Variants in TMEM47 observed in about 807,000 individuals in gnomAD.
TMEM47 encodes brain cell membrane protein 1.
Under a neutral mutation model 12.4 loss-of-function variants are expected in TMEM47, and 3 were observed. That is an observed-to-expected ratio of 0.24 (90% CI 0.11 to 0.63). The LOEUF is 0.63. TMEM47 is among the 20% of genes least tolerant of loss of function. The pLI, the probability that TMEM47 is intolerant of heterozygous loss-of-function variation, is 0.86. For missense variants in TMEM47, 89 were observed against 143.8 expected (o/e 0.62, Z 1.95); for synonymous variants, 62 against 63.3 (o/e 0.98, Z 0.10).
intron 1 of TMEM47, among the ~76,000 whole-genome samples, chrX:34,640,500 G>A (rs1267282336): frequency 8.9e-6 from 1 of 111,886 alleles, no homozygotes; most frequent in Non-Finnish European, 1.9e-5. Context: ...TACAGGTTGG[G>A]AAACATCATA....
intron 1 of TMEM47, among the ~76,000 whole-genome samples, chrX:34,639,849 A>G (rs1402539119): frequency 1.8e-5 from 2 of 111,313 alleles, no homozygotes; most frequent in Non-Finnish European, 3.8e-5. Context: ...CCAGTCAATA[A>G]TGACCCTCCC....
At chrX:34,634,778 C>T (rs1921684639) in intron 2 of TMEM47, among the ~76,000 whole-genome samples, 2 of 111,697 alleles carry the variant, frequency 1.8e-5, no homozygotes, top group Admixed American at 9.5e-5. Context: ...AAAGAAAAGA[C>T]GTCTAGGAAG....
intron 1 of TMEM47, among the ~76,000 whole-genome samples, chrX:34,648,960 G>A (rs928285813): frequency 1.8e-5 from 2 of 112,016 alleles, no homozygotes; most frequent in African/African-American, 6.5e-5. Context: ...CAATATCACT[G>A]ATCATTAGAG....
intron 1 of TMEM47, among the ~76,000 whole-genome samples, chrX:34,647,385 A>C (rs944468107): frequency 8.9e-6 from 1 of 111,794 alleles, no homozygotes; most frequent in Non-Finnish European, 1.9e-5. Flanking sequence ...TTTGAACAGA[A>C]AGTATAAATA....
chrX:34,651,967 AT>A (rs1168010395), intron 1 of TMEM47, among the ~76,000 whole-genome samples: 1 of 112,208 alleles, frequency 8.9e-6, no homozygotes, highest in Admixed American at 9.4e-5. Context: ...TATCACTGGG[AT>A]TTTCTGAATA....
rs945413541 is a variant in TMEM47, at chrX:34,628,547, A to T, written c.*1766T>A. On this transcript the variant is annotated 3_prime_UTR_variant, in exon 3 of 3. Transcript: ENST00000275954. ...TTTTCTAGCATTTGGATAATAAAAT[A>T]GGTTTTTTTTTTTTGGCTGTTGTTT... The T allele has an allele frequency of 9.2e-6, 1 of 108,209 alleles. No individual in the cohort carries two copies. Among genetic ancestry groups the T allele is most frequent in the Non-Finnish European group, 1.9e-5 (1 of 52,569 alleles). 8.9% of individuals were successfully genotyped at this position (108,209 alleles called of 1,213,427 possible).
rs1295699601 is a variant in TMEM47, at chrX:34,656,968, A to G, written c.62T>C (p.Leu21Pro). Residue 21 changes from leucine to proline, a missense_variant, in exon 1 of 3, where the codon CTG becomes CCG. Leu to Pro is a moderately conservative substitution (Grantham distance 98). Coordinates refer to ENST00000275954, the MANE Select transcript of TMEM47 (RefSeq NM_031442.4). ...VRVSVLTPLK[L>P]VGLVCIFLAL... is the part of the protein sequence containing the mutation. ...CAGGAAGATGCACACCAGCCCGACC[A>G]GCTTCAAGGGGGTCAGCACCGACAC... is the stretch of plus-strand genomic sequence containing the variant. 1 of 1,186,231 alleles carries G rather than the reference A, an allele frequency of 8.4e-7. No individual in the cohort carries two copies. The highest frequency in any genetic ancestry group is 1.1e-6 in the Non-Finnish European group (1 of 882,804).
rs2147134953 is a variant in TMEM47 at position 34,627,245 on chromosome X, C to A, written c.*3068G>T. On this transcript the variant is annotated 3_prime_UTR_variant, in exon 3 of 3. Transcript: ENST00000275954. ...AAAAATAACCAGGATACCATGAATT[C>A]ATGTTTAAGTAGTAAACATGTCATA... 1 of 111,795 alleles carries A rather than the reference C, an allele frequency of 8.9e-6. No homozygotes were observed. The highest frequency in any genetic ancestry group is 3.8e-4 in the South Asian group (1 of 2,664). 9.2% of individuals were successfully genotyped at this position (111,795 alleles called of 1,213,427 possible).
At chrX:34,646,082 G>A (rs1054912713) in intron 1 of TMEM47, among the ~76,000 whole-genome samples, 16 of 111,154 alleles carry the variant, frequency 1.4e-4, no homozygotes, top group Non-Finnish European at 2.8e-4. Context: ...ACCAAAATGC[G>A]TGTTAATTTT....
At chrX:34,630,682 C>T (rs750863403) in intron 2 of TMEM47, among the ~76,000 whole-genome samples, 191 bp from the exon 3 acceptor site, 37 of 109,492 alleles carry the variant, frequency 3.4e-4, no homozygotes, top group African/African-American at 1.1e-3. Flanking sequence ...TACCTTTTCC[C>T]AATATATAAG....
intron 2 of TMEM47, among the ~76,000 whole-genome samples, chrX:34,636,768 T>C (rs752807284): frequency 8.4e-4 from 94 of 112,035 alleles, no homozygotes; most frequent in Non-Finnish European, 1.5e-3. Flanking sequence ...AGGTACTAAA[T>C]GCCTTCAGGT....
At position 34,627,205 on chromosome X, in the gene TMEM47, C is replaced by T. The variant is rs2147134936; in HGVS notation, c.*3108G>A. The T allele has an allele frequency of 9.0e-6, 1 of 111,011 alleles. No individual in the cohort carries two copies. Among genetic ancestry groups the T allele is most frequent in the African/African-American group, 3.3e-5 (1 of 30,482 alleles). The allele number at this position is 111,011 out of a possible 1,213,427, so 9.1% of individuals were successfully genotyped here. On this transcript the variant is annotated 3_prime_UTR_variant, in exon 3 of 3. Coordinates refer to ENST00000275954, the MANE Select transcript of TMEM47 (RefSeq NM_031442.4). ...CACTGGAGTGATAAACAGGTTTTCC[C>T]CCAGATGACTTAAAAAAAATAACCA...
At chrX:34,647,075 A>G (rs768869290) in intron 1 of TMEM47, among the ~76,000 whole-genome samples, 10 of 111,352 alleles carry the variant, frequency 9.0e-5, no homozygotes, top group Non-Finnish European at 1.5e-4. Flanking sequence ...CTACGTTTCA[A>G]TGAAGTTAAC....
Position 34,630,171 on chromosome X carries a change from C to T in TMEM47, c.*142G>A. ...TAAAAGCTGGTTATGATGTTGACAG[C>T]CAAAAGGCAAAAAAGATTAAATCAA... On this transcript the variant is annotated 3_prime_UTR_variant, in exon 3 of 3. Coordinates refer to ENST00000275954, the MANE Select transcript of TMEM47 (RefSeq NM_031442.4). 1 of 616,129 alleles carries T rather than the reference C, an allele frequency of 1.6e-6. No individual in the cohort carries two copies. Among genetic ancestry groups the T allele is most frequent in the Non-Finnish European group, 2.4e-6 (1 of 420,351 alleles). The allele number at this position is 616,129 out of a possible 1,213,427, so 50.8% of individuals were successfully genotyped here.
intron 1 of TMEM47, among the ~76,000 whole-genome samples, chrX:34,649,595 A>G (rs1386191524): frequency 9.0e-6 from 1 of 110,963 alleles, no homozygotes; most frequent in African/African-American, 3.3e-5. Flanking sequence ...AATAATAACT[A>G]TTGGGTACTA....
intron 2 of TMEM47, among the ~76,000 whole-genome samples, chrX:34,633,502 G>C (rs139431818): frequency 1.1e-3 from 123 of 111,642 alleles, no homozygotes; most frequent in African/African-American, 3.9e-3. Context: ...CATGAGATAT[G>C]ATGGAAGAAA....
chrX:34,640,313 A>G (rs948042582), intron 1 of TMEM47, among the ~76,000 whole-genome samples: 32 of 112,159 alleles, frequency 2.9e-4, no homozygotes, highest in African/African-American at 7.5e-4. Flanking sequence ...CTCTGTTCAC[A>G]GATACTTCCA....
chrX:34,654,639 C>T (rs780473786), intron 1 of TMEM47, among the ~76,000 whole-genome samples: 1 of 111,731 alleles, frequency 9.0e-6, no homozygotes, highest in South Asian at 3.8e-4. Context: ...TATCTTGTTT[C>T]CTTTCCTCCA....
chrX:34,636,687 G>A (rs749330975), intron 2 of TMEM47, among the ~76,000 whole-genome samples: 1 of 111,844 alleles, frequency 8.9e-6, no homozygotes, highest in Non-Finnish European at 1.9e-5. Flanking sequence ...CTGGAAATGT[G>A]CACAACTTTC....
Sources: gnomAD v4.1 joint callset for allele counts (sites outside exome capture counted in the v4.1 genomes callset) on GRCh38, gnomAD v4.1.1 for gene constraint, MANE v1.5 for transcripts, NCBI Gene and HGNC (gene_info 2026-07-23, HGNC 2026-07-21) for gene names.